The following ETV6 variants were observed in gnomAD, a reference collection of about 807,000 sequenced individuals.
The protein encoded by ETV6 is ETS variant transcription factor 6.
ETV6 carries 16 observed loss-of-function variants against 51.1 expected under a neutral mutation model. The ratio of observed to expected loss-of-function variants is 0.31; its 90% CI spans 0.21 to 0.48. The LOEUF is 0.48. ETV6 is among the 20% of genes least tolerant of loss of function. The pLI is 0.99. For missense variants in ETV6, 458 were observed against 594.8 expected (o/e 0.77, Z 2.39); for synonymous variants, 240 against 224.1 (o/e 1.07, Z -0.64).
intron 2 of ETV6, among the ~76,000 whole-genome samples, chr12:11,764,244 A>G (rs1312820263): frequency 6.8e-6 from 1 of 146,738 alleles, no homozygotes; most frequent in Non-Finnish European, 1.5e-5. Context: ...AGTTGGAAAT[A>G]AGCACTATAA....
chr12:11,745,808 A>G (rs1221677318), intron 1 of ETV6, among the ~76,000 whole-genome samples: 1 of 152,234 alleles, frequency 6.6e-6, no homozygotes, highest in East Asian at 1.9e-4. Context: ...AGACAATGTT[A>G]GGATAGAAAG....
chr12:11,782,444 A>G (rs1945426943), intron 2 of ETV6, among the ~76,000 whole-genome samples: 1 of 152,144 alleles, frequency 6.6e-6, no homozygotes, highest in Non-Finnish European at 1.5e-5. Flanking sequence ...GAAATGTGAA[A>G]TGTTAAACAT....
intron 3 of ETV6, among the ~76,000 whole-genome samples, chr12:11,845,801 G>C (rs143265366): frequency 2.4e-4 from 36 of 152,128 alleles, no homozygotes; most frequent in South Asian, 2.1e-3. Context: ...GACCATCCTG[G>C]CTAATATGGT....
intron 2 of ETV6, among the ~76,000 whole-genome samples, chr12:11,798,908 C>G (rs1945711804): frequency 6.6e-6 from 1 of 152,134 alleles, no homozygotes; most frequent in African/African-American, 2.4e-5. Flanking sequence ...GCATTTTTTT[C>G]TCTAAGGTAG....
intron 1 of ETV6, among the ~76,000 whole-genome samples, chr12:11,738,949 A>G (rs1396209778): frequency 2.0e-5 from 3 of 152,176 alleles, no homozygotes; most frequent in East Asian, 1.9e-4. Context: ...ATTGACCCAG[A>G]TGAGGAGAGG....
At chr12:11,886,839 C>T (rs61062233) in intron 7 of ETV6, among the ~76,000 whole-genome samples, 21,356 of 152,018 alleles carry the variant, frequency 0.14, 2,296 homozygotes, top group African/African-American at 0.3. Flanking sequence ...TAGTCATTAG[C>T]GGGGCCAACT....
intron 7 of ETV6, among the ~76,000 whole-genome samples, chr12:11,887,156 A>G (rs2136605406): frequency 6.6e-6 from 1 of 152,338 alleles, no homozygotes; most frequent in Non-Finnish European, 1.5e-5. Flanking sequence ...GAATAAAAAA[A>G]GAACCCTCCA....
Position 11,853,316 on chromosome 12 carries a change from C to G in ETV6, c.329-111C>G, listed in dbSNP as rs983684685. 3.1e-6 allele frequency: 4 copies of G among 1,275,182 alleles called. No individual in the cohort carries two copies. The African/African-American group carries it at 5.9e-5, about 19-fold the overall frequency. 79.0% of individuals were successfully genotyped at this position (1,275,182 alleles called of 1,614,324 possible). A position where few individuals can be genotyped will look rare whatever the true frequency, so the allele number is the denominator to read the frequency against. ...TGGTGAGGGTAGGAGGTGGCAGGTG[C>G]GCTCCAATTGTATCTTTGGCACCGT... is the stretch of plus-strand genomic sequence containing the variant. On this transcript the variant is annotated intron_variant, in intron 3 of 7. Transcript: ENST00000396373.
At chr12:11,879,828 C>G (rs1947058730) in intron 5 of ETV6, among the ~76,000 whole-genome samples, 1 of 151,860 alleles carries the variant, frequency 6.6e-6, no homozygotes, top group Non-Finnish European at 1.5e-5. Context: ...GTGTGTTGCG[C>G]TTTATTATAT....
intron 1 of ETV6, among the ~76,000 whole-genome samples, chr12:11,736,599 C>G (rs964110094): frequency 6.6e-6 from 1 of 152,060 alleles, no homozygotes; most frequent in Non-Finnish European, 1.5e-5. Flanking sequence ...TGTAAAGTAT[C>G]TATTTCGAGA....
intron 1 of ETV6, among the ~76,000 whole-genome samples, chr12:11,731,237 C>T (rs184175376): frequency 9.2e-5 from 14 of 152,150 alleles, no homozygotes; most frequent in African/African-American, 2.9e-4. Flanking sequence ...CCTTCTTATT[C>T]GGTGTTGCAT....
At chr12:11,706,742 T>G (rs1259383190) in intron 1 of ETV6, among the ~76,000 whole-genome samples, 2 of 152,230 alleles carry the variant, frequency 1.3e-5, no homozygotes, top group Middle Eastern at 3.2e-3. Flanking sequence ...AGCCAGGTAT[T>G]TCTAGGACGA....
chr12:11,748,551 G>T (rs1266744717), intron 1 of ETV6, among the ~76,000 whole-genome samples: 4 of 152,126 alleles, frequency 2.6e-5, no homozygotes, highest in African/African-American at 7.2e-5. Context: ...TGTGCTAGGG[G>T]ATCCCCGTGA....
At chr12:11,747,483 C>A (rs189112962) in intron 1 of ETV6, among the ~76,000 whole-genome samples, 3 of 152,110 alleles carry the variant, frequency 2.0e-5, no homozygotes, top group African/African-American at 4.8e-5. Flanking sequence ...GCATTTGAGT[C>A]TCTGTGGTGT....
chr12:11,749,334 CA>C (rs1865974065), intron 1 of ETV6, among the ~76,000 whole-genome samples: 2 of 110,808 alleles, frequency 1.8e-5, no homozygotes, highest in Non-Finnish European at 4.1e-5. Flanking sequence ...CACACACACA[CA>C]CACACACACA....
intron 2 of ETV6, among the ~76,000 whole-genome samples, chr12:11,778,109 T>G (rs570622095): frequency 6.6e-6 from 1 of 152,312 alleles, no homozygotes; most frequent in South Asian, 2.1e-4. Context: ...ATGCACCGGC[T>G]TTGGAGCCTA....
At chr12:11,668,398 TTG>T (rs1269726438) in intron 1 of ETV6, among the ~76,000 whole-genome samples, 20 of 139,972 alleles carry the variant, frequency 1.4e-4, no homozygotes, top group African/African-American at 1.6e-4. Context: ...TCGCACTGTT[TTG>T]TTTTTTTTTT....
intron 5 of ETV6, among the ~76,000 whole-genome samples, chr12:11,870,776 G>T (rs1424702747): frequency 6.6e-6 from 1 of 152,112 alleles, no homozygotes; most frequent in East Asian, 1.9e-4. Flanking sequence ...TTTCCCCAAG[G>T]AATTTAGAAT....
rs1215035332 is a variant in ETV6 at position 11,709,877 on chromosome 12, C to G, written c.34-42573C>G. On this transcript the variant is annotated intron_variant, in intron 1 of 7. Transcript: ENST00000396373. ...TCTTGCAGATTTTGGGCTTGTCTGC[C>G]TCTATAAGCACATAAGCCAGTTCCT... is the stretch of plus-strand genomic sequence containing the variant. Among the ~76,000 whole-genome samples, 7 of 152,236 alleles carry G rather than the reference C, an allele frequency of 4.6e-5. No homozygotes were observed. In the East Asian group the frequency reaches 1.2e-3, roughly 25 times the overall value.
Sources: allele counts gnomAD v4.1 joint callset (sites outside exome capture counted in the v4.1 genomes callset), GRCh38; gene constraint gnomAD v4.1.1; transcripts MANE v1.5; gene names NCBI Gene and HGNC (gene_info 2026-07-23, HGNC 2026-07-21).